Variants in LYZL1 observed in about 807,000 individuals in gnomAD.
LYZL1 encodes lysozyme like 1, also known as lysozyme-like protein 1.
In LYZL1, 16 loss-of-function variants were observed where a neutral mutation model predicts 17.9. The observed-to-expected ratio is 0.90, with a 90% CI of 0.61 to 1.36. The LOEUF (loss-of-function observed/expected upper bound fraction) is 1.36, where lower values mean the gene tolerates loss of function less well. Ranked by LOEUF, LYZL1 falls within the 40% of genes most tolerant of loss-of-function variation. The pLI is 0.00. For synonymous variants in LYZL1, 58 were observed against 71.8 expected (o/e 0.81, Z 0.97); for missense variants, 149 against 188.4 (o/e 0.79, Z 1.22).
At chr10:29,313,123 A>C (rs539578775), downstream of LYZL1, among the ~76,000 whole-genome samples, 5 of 152,310 alleles carry the variant, frequency 3.3e-5, no homozygotes, top group East Asian at 9.6e-4. Context: ...ATAAATAAAT[A>C]AACATGTTAT....
At chr10:29,291,505 C>T (rs1835364805) in intron 1 of LYZL1, among the ~76,000 whole-genome samples, 1 of 151,484 alleles carries the variant, frequency 6.6e-6, no homozygotes, top group Non-Finnish European at 1.5e-5. Flanking sequence ...TGTTTCACCC[C>T]TGTATTCTAT....
chr10:29,307,271 G>A (rs558770720), intron 3 of LYZL1, among the ~76,000 whole-genome samples: 24 of 152,202 alleles, frequency 1.6e-4, no homozygotes, highest in African/African-American at 4.6e-4. Context: ...TTCCATCAGC[G>A]TCTCCCCATT....
chr10:29,293,134 C>CTTTTTTTTTTTTTTTTTTTT (rs11453474), intron 3 of LYZL1, among the ~76,000 whole-genome samples: 1 of 121,048 alleles, frequency 8.3e-6, no homozygotes, highest in African/African-American at 3.1e-5. Context: ...TTTCTTTTTT[C>CTTTTTTTTTTTTTTTTTTTT]TTTTTTTTTT....
intron 1 of LYZL1, among the ~76,000 whole-genome samples, chr10:29,289,561 G>A (rs1229838501): frequency 6.6e-6 from 1 of 151,802 alleles, no homozygotes; most frequent in East Asian, 1.9e-4. Context: ...TGGGACCACA[G>A]GCACACACCA....
At chr10:29,304,983 A>T (rs1033572070) in intron 3 of LYZL1, among the ~76,000 whole-genome samples, 1 of 152,158 alleles carries the variant, frequency 6.6e-6, no homozygotes, top group Non-Finnish European at 1.5e-5. Flanking sequence ...GGGCATCCAC[A>T]ATCAAACTGC....
At chr10:29,308,263 C>G (rs981317269) in intron 3 of LYZL1, among the ~76,000 whole-genome samples, 1 of 152,196 alleles carries the variant, frequency 6.6e-6, no homozygotes, top group African/African-American at 2.4e-5. Context: ...GACCCACACC[C>G]AGTGACATGT....
At chr10:29,312,068 G>A (rs1241666017), downstream of LYZL1, among the ~76,000 whole-genome samples, 1 of 152,226 alleles carries the variant, frequency 6.6e-6, no homozygotes, top group Non-Finnish European at 1.5e-5. Context: ...GGGAAGCCAA[G>A]GTAGGAGGAC....
intron 3 of LYZL1, among the ~76,000 whole-genome samples, chr10:29,297,638 G>T (rs540623382): frequency 8.5e-5 from 13 of 152,260 alleles, no homozygotes; most frequent in Non-Finnish European, 1.3e-4. Context: ...GGTCCCATTA[G>T]TTACTTGGTA....
exon 5 of LYZL1, chr10:29,318,163 A>G (rs1251589941): frequency 1.0e-6 from 1 of 985,294 alleles, no homozygotes; most frequent in African/African-American, 1.7e-5. Flanking sequence ...CCCTGCTGCT[A>G]AGAATTCCAA....
At chr10:29,292,280 G>C (rs1342547083) in intron 2 of LYZL1, among the ~76,000 whole-genome samples, 2 of 151,122 alleles carry the variant, frequency 1.3e-5, no homozygotes. Context: ...GGAGTGGGGG[G>C]ACCTGACTGT....
At chr10:29,293,645 G>C (rs1835407536) in intron 3 of LYZL1, among the ~76,000 whole-genome samples, 1 of 152,142 alleles carries the variant, frequency 6.6e-6, no homozygotes, top group African/African-American at 2.4e-5. Flanking sequence ...AGTGCGCTGA[G>C]TGCCATGGGC....
intron 3 of LYZL1, among the ~76,000 whole-genome samples, chr10:29,316,317 G>T (rs1835729224): frequency 6.6e-6 from 1 of 152,242 alleles, no homozygotes; most frequent in Non-Finnish European, 1.5e-5. Context: ...CCGATTCACA[G>T]ATTCAGCAGT....
At chr10:29,299,107 T>C (rs999577347) in intron 3 of LYZL1, among the ~76,000 whole-genome samples, 2 of 152,172 alleles carry the variant, frequency 1.3e-5, no homozygotes, top group African/African-American at 2.4e-5. Context: ...CAGTTCACAA[T>C]AGGGTTCGCA....
chr10:29,296,777 C>T (rs1319333861), intron 3 of LYZL1, among the ~76,000 whole-genome samples: 1 of 152,114 alleles, frequency 6.6e-6, no homozygotes, highest in East Asian at 1.9e-4. Flanking sequence ...GTGGGACTCC[C>T]CAGTGAACAA....
downstream of LYZL1, among the ~76,000 whole-genome samples, chr10:29,313,602 C>T (rs1022810898): frequency 2.6e-5 from 4 of 152,202 alleles, no homozygotes; most frequent in Non-Finnish European, 5.9e-5. Context: ...TCCTACTCTT[C>T]CCCTTCCCCC....
intron 1 of LYZL1, among the ~76,000 whole-genome samples, chr10:29,291,137 A>G (rs1316693489): frequency 6.6e-6 from 1 of 152,056 alleles, no homozygotes; most frequent in Non-Finnish European, 1.5e-5. Context: ...AAACTTAACG[A>G]CTCCATAGCC....
At chr10:29,307,278 C>T (rs1247173345) in intron 3 of LYZL1, among the ~76,000 whole-genome samples, 1 of 152,212 alleles carries the variant, frequency 6.6e-6, no homozygotes, top group Non-Finnish European at 1.5e-5. Flanking sequence ...AGCGTCTCCC[C>T]ATTTTCCTCA....
chr10:29,310,849 G>A (rs756013469), intron 4 of LYZL1, 141 bp from the exon 5 acceptor site: 146 of 1,236,352 alleles, frequency 1.2e-4, no homozygotes, highest in Middle Eastern at 2.3e-4. Context: ...CAAAAGGACA[G>A]CATCCTTGAA....
At chr10:29,315,410 G>C (rs1835718146), downstream of LYZL1, among the ~76,000 whole-genome samples, 1 of 152,084 alleles carries the variant, frequency 6.6e-6, no homozygotes, top group Non-Finnish European at 1.5e-5. Context: ...TACTCTGGAG[G>C]CTGAGGCATG....
Sources: gnomAD v4.1 joint callset for allele counts (sites outside exome capture counted in the v4.1 genomes callset) on GRCh38, gnomAD v4.1.1 for gene constraint, MANE v1.5 for transcripts, NCBI Gene and HGNC (gene_info 2026-07-23, HGNC 2026-07-21) for gene names.